LTBP2: variants seen among roughly 807,000 people sequenced by gnomAD.
LTBP2 encodes the protein latent transforming growth factor beta binding protein 2.
LTBP2 carries 103 observed loss-of-function variants against 210.6 expected under a neutral mutation model. The observed-to-expected ratio is 0.49, with a 90% confidence interval of 0.42 to 0.58. The LOEUF is 0.58. Ranked by LOEUF, LTBP2 falls within the 20% of genes least tolerant of loss-of-function variation. The probability of loss-of-function intolerance (pLI) is 0.00; values close to 1 mark genes in which losing one functional copy is unlikely to be tolerated. For synonymous variants in LTBP2, 1,007 were observed against 1,015.0 expected, an observed-to-expected ratio of 0.99 and a Z score of 0.15; for missense variants, 2,313 against 2,494.5, an observed-to-expected ratio of 0.93 and a Z score of 1.55.
At chr14:74,567,166 A>G (rs6574186) in intron 3 of LTBP2, among the ~76,000 whole-genome samples, 83,595 of 152,066 alleles carry the variant, frequency 0.55, 23,734 homozygotes, top group African/African-American at 0.63. Flanking sequence ...CCTTGCCTGC[A>G]GCCCGGTCCC....
intron 2 of LTBP2, among the ~76,000 whole-genome samples, chr14:74,596,887 G>A (rs973718828): frequency 1.3e-5 from 2 of 152,180 alleles, no homozygotes; most frequent in Non-Finnish European, 2.9e-5. Context: ...GTTGGGATGA[G>A]GATGTCTGGG....
rs1245123265 is a variant in LTBP2 at position 74,562,277 on chromosome 14, A to T, written c.831-6584T>A. 2.0e-5 allele frequency among the ~76,000 whole-genome samples: 3 copies of T among 152,204 alleles called. No homozygotes were observed. In the East Asian group the frequency reaches 5.8e-4, roughly 29 times the overall value. On this transcript the variant is annotated intron_variant, in intron 3 of 35. Transcript: ENST00000261978. The stretch of plus-strand genomic sequence containing the variant: ...AGAAGTGCATGGAGGTGGGAAGCAC[A>T]GGCCATGTTTGAAGAAGAATAAGCA...
intron 17 of LTBP2, among the ~76,000 whole-genome samples, chr14:74,519,035 T>A (rs1034472417): frequency 6.6e-6 from 1 of 152,156 alleles, no homozygotes; most frequent in African/African-American, 2.4e-5. Flanking sequence ...AAAGACCAGG[T>A]TCTTAACAGC....
In LTBP2 at chr14:74,607,701, C is replaced by T. The variant is rs574779260; in HGVS notation, c.494+3750G>A. 3.3e-5 allele frequency among the ~76,000 whole-genome samples: 5 copies of T among 152,132 alleles called. No individual in the cohort carries two copies. The South Asian group carries it at 6.2e-4, about 19-fold the overall frequency. ...AGAAGAATAATGAAATAGGGTCTCA[C>T]TTATCTAAGTTTAAAATATGCAAAA... On this transcript the variant is annotated intron_variant, in intron 1 of 35. Transcript: ENST00000261978.
intron 35 of LTBP2, 98 bp downstream of exon 35, chr14:74,501,343 C>T: frequency 6.4e-7 from 1 of 1,553,232 alleles, no homozygotes; most frequent in Non-Finnish European, 8.9e-7. Context: ...CAGACAGCCC[C>T]ACTAGGAGGC....
intron 21 of LTBP2, 64 bp from the exon 22 acceptor site, chr14:74,509,427 A>G: frequency 1.2e-6 from 2 of 1,607,834 alleles, no homozygotes; most frequent in South Asian, 1.1e-5. Context: ...CAATGCAGGA[A>G]CCTCACCGTG....
chr14:74,508,703 G>T lies in LTBP2; in HGVS notation c.3553C>A (p.His1185Asn), dbSNP rs145741930. The part of the protein sequence containing the change: ...EDVNECMGEE[H>N]CAPHGECLNS... ...AGGCACTCGCCGTGGGGTGCGCAGTGCTCCTCCCCCATGCACTCATTCACA... is the reference window on the plus strand; with the variant it reads ...AGGCACTCGCCGTGGGGTGCGCAGTTCTCCTCCCCCATGCACTCATTCACA... Residue 1185 changes from histidine (H) to asparagine (N), a missense_variant, in exon 24 of 36, where the codon CAC becomes AAC. His to Asn is a moderately conservative substitution (Grantham distance 68). Around this residue, in one of 3 missense-constraint regions of LTBP2, gnomAD observed 1,867 missense variants for 1,976.9 expected, o/e 0.94. Transcript: ENST00000261978. The T allele has an allele frequency of 1.2e-6, 2 of 1,613,788 alleles. No homozygotes were observed.
intron 2 of LTBP2, among the ~76,000 whole-genome samples, chr14:74,599,072 G>A (rs966756761): frequency 6.6e-6 from 1 of 152,218 alleles, no homozygotes; most frequent in Non-Finnish European, 1.5e-5. Context: ...CACAGTAAGA[G>A]CTATCGCGTT....
In LTBP2 at chr14:74,498,392, C is replaced by T. The variant is rs1014210177; in HGVS notation, c.*2492G>A. The stretch of plus-strand genomic sequence containing the variant: ...GAAATATGCACAAGAATATTCATTA[C>T]AGCATTATTTATAGCAAAAGACAGG... On this transcript the variant is annotated 3_prime_UTR_variant, in exon 36 of 36. Transcript: ENST00000261978. 8 of 197,882 alleles carry T rather than the reference C, an allele frequency of 4.0e-5. No homozygotes were observed. Among genetic ancestry groups the T allele is most frequent in the Non-Finnish European group, 8.4e-5 (8 of 95,646 alleles). 12.3% of individuals were successfully genotyped at this position (197,882 alleles called of 1,614,324 possible). A position where few individuals can be genotyped will look rare whatever the true frequency, so the allele number is the denominator to read the frequency against.
chr14:74,506,886 C>CGCGT (rs2086998878), intron 26 of LTBP2, 63 bp from the exon 27 acceptor site: 2 of 1,575,530 alleles, frequency 1.3e-6, no homozygotes, highest in African/African-American at 1.5e-5. Flanking sequence ...TGTGCGCGCG[C>CGCGT]GCGTGTGTGC....
chr14:74,560,893 A>AT (rs1356199217), intron 3 of LTBP2, among the ~76,000 whole-genome samples: 1 of 152,250 alleles, frequency 6.6e-6, no homozygotes, highest in African/African-American at 2.4e-5. Flanking sequence ...TGCAAACATT[A>AT]TGTCATTTTA....
Position 74,522,775 on chromosome 14 carries a change from C to T in LTBP2, c.2659+15G>A. The T allele has an allele frequency of 6.2e-7, 1 of 1,607,616 alleles. No homozygotes were observed. The highest frequency in any genetic ancestry group is 8.5e-7 in the Non-Finnish European group (1 of 1,177,152). ...CCCCAGCCGCCAAGTAAGCCCAGGG[C>T]ACCCAAGTGAATACCTGTGCAGTAG... On this transcript the variant is annotated intron_variant, in intron 16 of 35. Transcript: ENST00000261978.
At chr14:74,608,387 A>G (rs1466039881) in intron 1 of LTBP2, among the ~76,000 whole-genome samples, 1 of 151,992 alleles carries the variant, frequency 6.6e-6, no homozygotes, top group African/African-American at 2.4e-5. Context: ...AATATTATAC[A>G]GGTGGTCTGC....
At chr14:74,545,345 C>T (rs978731433) in intron 8 of LTBP2, among the ~76,000 whole-genome samples, 1 of 152,200 alleles carries the variant, frequency 6.6e-6, no homozygotes, top group Non-Finnish European at 1.5e-5. Flanking sequence ...TGAGACAAAA[C>T]ATGTGAAGGG....
intron 3 of LTBP2, among the ~76,000 whole-genome samples, chr14:74,570,540 C>T (rs560836069): frequency 3.9e-5 from 6 of 152,238 alleles, no homozygotes; most frequent in Non-Finnish European, 8.8e-5. Flanking sequence ...TCTATGGGAA[C>T]TAGGGCCCCA....
intron 13 of LTBP2, 64 bp from the exon 14 acceptor site, chr14:74,526,178 C>T (rs2087271836): frequency 2.0e-6 from 3 of 1,505,808 alleles, no homozygotes; most frequent in African/African-American, 1.4e-5. Context: ...TGCCACCTTC[C>T]ACCACACTGA....
At chr14:74,608,022 G>A (rs566445315) in intron 1 of LTBP2, among the ~76,000 whole-genome samples, 2 of 150,976 alleles carry the variant, frequency 1.3e-5, no homozygotes, top group East Asian at 2.0e-4. Flanking sequence ...CCGGGTTCAC[G>A]CCATTCTCCT....
intron 15 of LTBP2, among the ~76,000 whole-genome samples, chr14:74,523,953 C>T (rs555877954): frequency 2.6e-5 from 4 of 152,078 alleles, no homozygotes; most frequent in African/African-American, 9.7e-5. Context: ...GGGCCTGGCT[C>T]TAAGTTTGTG....
At chr14:74,509,977 G>A in intron 20 of LTBP2, 114 bp downstream of exon 20, 1 of 1,609,144 alleles carries the variant, frequency 6.2e-7, no homozygotes, top group Admixed American at 1.7e-5. Flanking sequence ...GGGTCAGTGT[G>A]AATAGGGATG....
Sources: allele counts gnomAD v4.1 joint callset (sites outside exome capture counted in the v4.1 genomes callset), GRCh38; gene constraint gnomAD v4.1.1; regional missense constraint gnomAD v4.1.1; transcripts MANE v1.5; gene names NCBI Gene and HGNC (gene_info 2026-07-23, HGNC 2026-07-21).